CSMD1: variants seen among roughly 807,000 people sequenced by gnomAD.
CSMD1 encodes CUB and Sushi multiple domains 1.
A neutral mutation model predicts 417.5 loss-of-function variants in CSMD1; 213 were observed. The ratio of observed to expected loss-of-function variants is 0.51; its 90% CI spans 0.46 to 0.57. The LOEUF (loss-of-function observed/expected upper bound fraction) is 0.57, where lower values mean the gene tolerates loss of function less well. CSMD1 is among the 20% of genes least tolerant of loss of function. The probability of loss-of-function intolerance (pLI) is 0.00; values close to 1 mark genes in which losing one functional copy is unlikely to be tolerated. For missense variants in CSMD1, 6,923 were observed against 4,529.7 expected, an observed-to-expected ratio of 1.53 and a Z score of -15.17; for synonymous variants, 2,862 against 1,736.8, an observed-to-expected ratio of 1.65 and a Z score of -16.11.
At chr8:4,188,008 C>G (rs942436586) in intron 3 of CSMD1, among the ~76,000 whole-genome samples, 3 of 151,934 alleles carry the variant, frequency 2.0e-5, no homozygotes, top group South Asian at 2.1e-4. Flanking sequence ...AAGCCAATAC[C>G]TTTTTTTAAA....
At chr8:4,971,937 G>A (rs1810263618) in intron 1 of CSMD1, among the ~76,000 whole-genome samples, 1 of 151,964 alleles carries the variant, frequency 6.6e-6, no homozygotes, top group Non-Finnish European at 1.5e-5. Flanking sequence ...AACTCATTGG[G>A]AGCAAACATC....
chr8:4,397,829 A>T (rs1173739021), intron 3 of CSMD1, among the ~76,000 whole-genome samples: 1 of 152,106 alleles, frequency 6.6e-6, no homozygotes, highest in African/African-American at 2.4e-5. Context: ...TATAATCGGA[A>T]AATAATGTAA....
intron 3 of CSMD1, among the ~76,000 whole-genome samples, chr8:4,235,324 T>C (rs954551288): frequency 2.0e-5 from 3 of 151,948 alleles, no homozygotes; most frequent in Admixed American, 6.6e-5. Context: ...AAAATTTATA[T>C]AGCCATTCAT....
chr8:4,018,555 G>C (rs1331307200), intron 4 of CSMD1, among the ~76,000 whole-genome samples: 2 of 152,164 alleles, frequency 1.3e-5, no homozygotes, highest in Non-Finnish European at 2.9e-5. Context: ...TACCTGCTTT[G>C]ATGAGAAAAG....
chr8:4,027,094 A>G (rs567046953), intron 4 of CSMD1, among the ~76,000 whole-genome samples: 111 of 152,304 alleles, frequency 7.3e-4, no homozygotes, highest in African/African-American at 2.6e-3. Flanking sequence ...CGGCCACAGA[A>G]AAACACAGCT....
chr8:3,069,365 G>A (rs1378858395), intron 49 of CSMD1, among the ~76,000 whole-genome samples: 1 of 151,928 alleles, frequency 6.6e-6, no homozygotes, highest in Admixed American at 6.6e-5. Context: ...AAACTGGAAG[G>A]TGGAGGTTGC....
At chr8:4,167,087 G>C (rs955956896) in intron 3 of CSMD1, among the ~76,000 whole-genome samples, 1 of 152,110 alleles carries the variant, frequency 6.6e-6, no homozygotes, top group Non-Finnish European at 1.5e-5. Context: ...AATATCTGTA[G>C]ATAAATGTAA....
At chr8:4,333,665 A>G (rs746631937) in intron 3 of CSMD1, among the ~76,000 whole-genome samples, 5 of 152,136 alleles carry the variant, frequency 3.3e-5, no homozygotes, top group African/African-American at 1.2e-4. Context: ...ACATCATTTT[A>G]TAAGTGCTTT....
chr8:3,813,372 T>G (rs74600301), intron 5 of CSMD1, among the ~76,000 whole-genome samples: 1,714 of 152,246 alleles, frequency 0.011, 34 homozygotes, highest in African/African-American at 0.039. Flanking sequence ...GTGAAGTAAA[T>G]AAACAGTCTA....
At chr8:3,586,409 G>A in intron 8 of CSMD1, 149 bp from the exon 9 acceptor site, 3 of 645,928 alleles carry the variant, frequency 4.6e-6, no homozygotes, top group East Asian at 5.8e-5. Context: ...AGTATGTATA[G>A]AGGCAACCCT....
At chr8:3,267,627 G>A (rs1452594494) in intron 26 of CSMD1, among the ~76,000 whole-genome samples, 1 of 152,178 alleles carries the variant, frequency 6.6e-6, no homozygotes, top group Non-Finnish European at 1.5e-5. Context: ...AAAGAAATGT[G>A]TCCCGGCAAA....
At chr8:4,030,427 G>T (rs34941583) in intron 4 of CSMD1, among the ~76,000 whole-genome samples, 3 of 152,144 alleles carry the variant, frequency 2.0e-5, no homozygotes, top group South Asian at 2.1e-4. Context: ...AGCTGCCAAG[G>T]CTTGAGGCTT....
chr8:3,829,402 A>T (rs1802241242), intron 5 of CSMD1, among the ~76,000 whole-genome samples: 1 of 152,194 alleles, frequency 6.6e-6, no homozygotes, highest in Non-Finnish European at 1.5e-5. Context: ...GTTTCAACCT[A>T]CAACAGTCAG....
chr8:4,341,391 A>G (rs1800469986), intron 3 of CSMD1, among the ~76,000 whole-genome samples: 1 of 152,142 alleles, frequency 6.6e-6, no homozygotes, highest in South Asian at 2.1e-4. Context: ...TTAGTACTGA[A>G]GAAAGCCTTG....
intron 5 of CSMD1, among the ~76,000 whole-genome samples, chr8:3,898,534 G>T (rs1008049052): frequency 6.6e-6 from 1 of 152,168 alleles, no homozygotes; most frequent in South Asian, 2.1e-4. Context: ...ATATCTTTGG[G>T]TTGTCACAAT....
chr8:4,742,043 T>G (rs1319584794), intron 1 of CSMD1, among the ~76,000 whole-genome samples: 2 of 99,906 alleles, frequency 2.0e-5, no homozygotes, highest in Non-Finnish European at 3.9e-5. Flanking sequence ...TTTTTTTTTT[T>G]TTTTTGAGAC....
At chr8:4,176,370 C>T (rs1255447278) in intron 3 of CSMD1, among the ~76,000 whole-genome samples, 2 of 152,070 alleles carry the variant, frequency 1.3e-5, no homozygotes, top group African/African-American at 4.8e-5. Context: ...CAACAATCTA[C>T]ACTCTTAAGC....
intron 1 of CSMD1, chr8:4,787,491 T>C (rs1797466879): frequency 2.3e-6 from 2 of 886,178 alleles, no homozygotes; most frequent in East Asian, 2.5e-5. Flanking sequence ...TCAAAGAAAA[T>C]CACCAGTTGT....
At chr8:4,694,429 G>A (rs546242487) in intron 1 of CSMD1, among the ~76,000 whole-genome samples, 2 of 152,008 alleles carry the variant, frequency 1.3e-5, no homozygotes, top group Non-Finnish European at 2.9e-5. Context: ...TTGGGTCACT[G>A]CAACCCCTGC....
Sources: gnomAD v4.1 joint callset for allele counts (sites outside exome capture counted in the v4.1 genomes callset) on GRCh38, gnomAD v4.1.1 for gene constraint, MANE v1.5 for transcripts, NCBI Gene and HGNC (gene_info 2026-07-23, HGNC 2026-07-21) for gene names.